Variants in WDHD1 observed in about 807,000 individuals in gnomAD.
The protein encoded by WDHD1 is WD repeat and HMG-box DNA binding protein 1.
Under a neutral mutation model 135.4 loss-of-function variants are expected in WDHD1, and 111 were observed. The ratio of observed to expected loss-of-function variants is 0.82; its 90% confidence interval spans 0.70 to 0.96. The LOEUF is 0.96. Ranked by LOEUF, WDHD1 falls within the 40% of genes least tolerant of loss-of-function variation. The pLI is 0.00. For synonymous variants in WDHD1, 434 were observed against 439.0 expected (o/e 0.99, Z 0.14); for missense variants, 1,351 against 1,336.3 (o/e 1.01, Z -0.17).
intron 14 of WDHD1, 116 bp downstream of exon 14, chr14:54,987,030 T>TTAC: frequency 8.2e-7 from 1 of 1,215,688 alleles, no homozygotes. Context: ...CATTTAAAGA[T>TTAC]TACACGGATT....
intron 24 of WDHD1, 110 bp downstream of exon 24, chr14:54,955,451 T>C (rs2041136767): frequency 1.0e-5 from 12 of 1,151,408 alleles, no homozygotes; most frequent in Non-Finnish European, 1.2e-5. Context: ...CCACTACCAA[T>C]GCCAATGTAT....
intron 10 of WDHD1, among the ~76,000 whole-genome samples, chr14:55,000,256 G>A (rs2041957570): frequency 6.6e-6 from 1 of 152,098 alleles, no homozygotes. Context: ...ATACAAAATA[G>A]TATTTAATGA....
intron 7 of WDHD1, among the ~76,000 whole-genome samples, chr14:55,004,471 GAGAT>G (rs1203008342): frequency 6.7e-6 from 1 of 148,340 alleles, no homozygotes; most frequent in East Asian, 2.0e-4. Context: ...TTCTTTTTTT[GAGAT>G]AGAGTCTCGC....
chr14:54,957,164 G>A lies in WDHD1; in HGVS notation c.2786C>T (p.Ser929Leu), dbSNP rs1345110030. 1.2e-6 allele frequency: 2 copies of A among 1,614,102 alleles called. No individual in the cohort carries two copies. Among genetic ancestry groups the A allele is most frequent in the Non-Finnish European group, 1.7e-6 (2 of 1,179,986 alleles). ...GTCTAAAATATTAGTTGAACGTGCT[G>A]AATTCATTGACATGGCTGGTTCTTT... The part of the protein sequence containing the change: ...SSKEPAMSMN[S>L]ARSTNILDNM... The change falls in exon 23 of 26, where the codon TCA (serine) becomes TTA (leucine). Residue 929 changes from serine (S) to leucine (L), a missense_variant. This residue lies in a region of WDHD1 where 1,330 missense variants were observed against 1,296.1 expected (regional missense o/e 1.03). Coordinates refer to ENST00000360586, the MANE Select transcript of WDHD1 (RefSeq NM_007086.4).
chr14:54,985,282 T>G (rs1271703776), intron 14 of WDHD1, among the ~76,000 whole-genome samples: 2 of 152,214 alleles, frequency 1.3e-5, no homozygotes, highest in Non-Finnish European at 2.9e-5. Context: ...GTTAGACTGG[T>G]TAGTCAGAAG....
intron 7 of WDHD1, among the ~76,000 whole-genome samples, chr14:55,004,384 T>A (rs769570115): frequency 2.0e-5 from 3 of 152,236 alleles, no homozygotes; most frequent in Non-Finnish European, 4.4e-5. Context: ...ACTGAATTAT[T>A]TGCATCACTT....
chr14:55,023,528 C>T (rs902653764), intron 2 of WDHD1, among the ~76,000 whole-genome samples: 3 of 152,168 alleles, frequency 2.0e-5, no homozygotes, highest in African/African-American at 4.8e-5. Context: ...CTTTTGTCTG[C>T]TTCTTAGGAG....
rs1210202207 is a variant in WDHD1, at chr14:54,941,358, A to T, written c.*132T>A. 8 of 727,930 alleles carry T rather than the reference A, an allele frequency of 1.1e-5. No individual in the cohort carries two copies. Among genetic ancestry groups the T allele is most frequent in the South Asian group, 5.0e-5 (2 of 39,850 alleles). 45.1% of individuals were successfully genotyped at this position (727,930 alleles called of 1,614,324 possible). ...CCTACACCAATATAATTACTACATTATCTTATAAAGACAAACAGTTGCTTC... is the reference window on the plus strand; with the variant it reads ...CCTACACCAATATAATTACTACATTTTCTTATAAAGACAAACAGTTGCTTC... On this transcript the variant is annotated 3_prime_UTR_variant, in exon 26 of 26. Transcript: ENST00000360586.
intron 11 of WDHD1, among the ~76,000 whole-genome samples, chr14:54,992,281 A>G (rs1173017694): frequency 2.6e-5 from 4 of 152,096 alleles, no homozygotes; most frequent in African/African-American, 9.7e-5. Context: ...ATTTGAGGTC[A>G]GGAGTCCGAG....
chr14:54,948,006 A>G (rs535208031), intron 24 of WDHD1, among the ~76,000 whole-genome samples: 1 of 151,760 alleles, frequency 6.6e-6, no homozygotes, highest in East Asian at 2.0e-4. Flanking sequence ...ACCTGAGGTC[A>G]GGAGTTTGAG....
Position 55,006,102 on chromosome 14 carries a change from G to A in WDHD1, c.600+1178C>T, listed in dbSNP as rs147190449. ...TGGTGTCAAACTCCTGAGCTCAAGC[G>A]GTCCTCCTGCCTCAGCCTCCCAAAG... is the stretch of plus-strand genomic sequence containing the variant. On this transcript the variant is annotated intron_variant, in intron 7 of 25. Coordinates refer to ENST00000360586, the MANE Select transcript of WDHD1 (RefSeq NM_007086.4). 8.0e-3 allele frequency among the ~76,000 whole-genome samples: 1,224 copies of A among 152,128 alleles called. 15 individuals are homozygous for A. The highest frequency in any genetic ancestry group is 0.028 in the African/African-American group (1,167 of 41,506).
intron 4 of WDHD1, among the ~76,000 whole-genome samples, chr14:55,010,079 A>T (rs1167233149): frequency 1.3e-5 from 2 of 152,182 alleles, no homozygotes; most frequent in African/African-American, 4.8e-5. Flanking sequence ...TTGGCCTCCC[A>T]AAGTGCTGGG....
chr14:54,967,847 C>T (rs2041370608), intron 16 of WDHD1, among the ~76,000 whole-genome samples: 1 of 152,172 alleles, frequency 6.6e-6, no homozygotes. Flanking sequence ...ACTCGAACTC[C>T]TGGGCTAAAG....
chr14:54,944,283 T>G, intron 25 of WDHD1, 49 bp downstream of exon 25: 1 of 1,593,636 alleles, frequency 6.3e-7, no homozygotes, highest in Non-Finnish European at 8.5e-7. Context: ...AAGAATTTTT[T>G]AAATCTGGGA....
At chr14:54,988,364 A>T (rs1184926392) in intron 13 of WDHD1, among the ~76,000 whole-genome samples, 1 of 152,188 alleles carries the variant, frequency 6.6e-6, no homozygotes, top group African/African-American at 2.4e-5. Flanking sequence ...GGTGATAAAG[A>T]CGTAGTGACA....
At position 55,000,494 on chromosome 14, in the gene WDHD1, C is replaced by T; in HGVS notation, c.942+9G>A. On this transcript the variant is annotated intron_variant, in intron 10 of 25. Transcript: ENST00000360586. ...TTTGAAGAAACTGTTGTACCATACT[C>T]CCTTTTACCTTACTGCTTGATGTCT... 6.3e-7 allele frequency: 1 copy of T among 1,598,476 alleles called. No homozygotes were observed. The highest frequency in any genetic ancestry group is 1.1e-5 in the South Asian group (1 of 88,066).
intron 3 of WDHD1, among the ~76,000 whole-genome samples, chr14:55,012,776 T>C (rs2042192082): frequency 6.6e-6 from 1 of 152,092 alleles, no homozygotes; most frequent in African/African-American, 2.4e-5. Flanking sequence ...CCTTTTATGA[T>C]GAACCCACTC....
chr14:54,996,815 T>A (rs190240901), intron 10 of WDHD1, among the ~76,000 whole-genome samples: 1 of 152,144 alleles, frequency 6.6e-6, no homozygotes, highest in East Asian at 1.9e-4. Flanking sequence ...TTTGACAGAG[T>A]GGAGTCTCGC....
intron 2 of WDHD1, among the ~76,000 whole-genome samples, chr14:55,023,656 G>A (rs1186256235): frequency 1.3e-5 from 2 of 152,158 alleles, no homozygotes; most frequent in African/African-American, 4.8e-5. Flanking sequence ...TCTTTTTACT[G>A]GGATAGGCAA....
Sources: gnomAD v4.1 joint callset for allele counts (sites outside exome capture counted in the v4.1 genomes callset) on GRCh38, gnomAD v4.1.1 for gene constraint, gnomAD v4.1.1 regional missense constraint, MANE v1.5 for transcripts, NCBI Gene and HGNC (gene_info 2026-07-23, HGNC 2026-07-21) for gene names.